Variants in PARVB observed in about 807,000 individuals in gnomAD.
PARVB encodes parvin beta.
A neutral mutation model predicts 47.0 loss-of-function variants in PARVB; 46 were observed. That is an observed-to-expected ratio of 0.98 (90% confidence interval 0.77 to 1.25). The LOEUF is 1.25. PARVB is among the 50% of genes most tolerant of loss of function. PARVB has a pLI of 0.00. For synonymous variants in PARVB, 196 were observed against 196.3 expected (o/e 1.00, Z 0.01); for missense variants, 473 against 471.6 (o/e 1.00, Z -0.03).
intron 6 of PARVB, 114 bp from the exon 7 acceptor site, chr22:44,136,343 TCTC>T (rs2053440360): frequency 2.2e-6 from 2 of 891,186 alleles, no homozygotes; most frequent in African/African-American, 3.3e-5. Context: ...CACCCCTCCT[TCTC>T]CTGTTGCTCT....
intron 1 of PARVB, among the ~76,000 whole-genome samples, chr22:44,077,543 C>G (rs1048243445): frequency 2.6e-5 from 4 of 152,174 alleles, no homozygotes; most frequent in African/African-American, 9.7e-5. Flanking sequence ...GATCCCCAGA[C>G]CTATCTTCTT....
intron 5 of PARVB, among the ~76,000 whole-genome samples, 178 bp downstream of exon 5, chr22:44,131,805 G>T (rs749018016): frequency 6.6e-6 from 1 of 152,198 alleles, no homozygotes; most frequent in Non-Finnish European, 1.5e-5. Flanking sequence ...AACAGGAGAA[G>T]GGTTAGGGAG....
intron 2 of PARVB, 66 bp from the exon 3 acceptor site, chr22:44,099,987 C>G: frequency 7.5e-7 from 1 of 1,328,642 alleles, no homozygotes; most frequent in African/African-American, 1.4e-5. Flanking sequence ...GTTGGCCTCC[C>G]CCTGGTTCCC....
At chr22:44,024,880 G>T (rs1406944781) in intron 1 of PARVB, among the ~76,000 whole-genome samples, 1 of 152,348 alleles carries the variant, frequency 6.6e-6, no homozygotes, top group Non-Finnish European at 1.5e-5. Context: ...GGTGTTGCGC[G>T]GGCGCCCTGC....
intron 12 of PARVB, among the ~76,000 whole-genome samples, chr22:44,166,388 G>A (rs549660817): frequency 6.6e-6 from 1 of 152,366 alleles, no homozygotes; most frequent in South Asian, 2.1e-4. Flanking sequence ...GGGGTTACAG[G>A]TGTGAGCCAC....
At position 44,008,863 on chromosome 22, in the gene PARVB, C is replaced by T. The variant is rs568403696; in HGVS notation, c.211+9190C>T. Among the ~76,000 whole-genome samples the T allele has an allele frequency of 4.6e-5, 7 of 152,058 alleles. 1 individual carries two copies. The highest frequency in any genetic ancestry group is 8.8e-5 in the Non-Finnish European group (6 of 68,012). On this transcript the variant is annotated intron_variant, in intron 2 of 13. Coordinates refer to the PARVB transcript ENST00000406477. Reference sequence around the variant, plus strand: ...AATTAGCTGGGTGTGGGGGTGGGTGCCTGTAGTCCCAGCTACTCGGGAGGC... The same window carrying T: ...AATTAGCTGGGTGTGGGGGTGGGTGTCTGTAGTCCCAGCTACTCGGGAGGC...
upstream of PARVB, among the ~76,000 whole-genome samples, chr22:44,021,183 A>G (rs539000727): frequency 6.6e-5 from 10 of 152,282 alleles, no homozygotes; most frequent in East Asian, 1.7e-3. Flanking sequence ...ACTCAACACC[A>G]TCAGTCAGAG....
At chr22:44,064,791 C>A (rs1569086725) in intron 1 of PARVB, among the ~76,000 whole-genome samples, 4 of 152,180 alleles carry the variant, frequency 2.6e-5, no homozygotes, top group Admixed American at 2.6e-4. Flanking sequence ...GAGGTGGAGG[C>A]CACAGCAAGC....
At chr22:44,017,260 A>C (rs998988813) in intron 2 of PARVB, among the ~76,000 whole-genome samples, 1 of 152,210 alleles carries the variant, frequency 6.6e-6, no homozygotes, top group Non-Finnish European at 1.5e-5. Flanking sequence ...AAATCATCTT[A>C]GTCTCTAGAC....
intron 1 of PARVB, among the ~76,000 whole-genome samples, chr22:44,041,595 C>T (rs1260302133): frequency 2.0e-5 from 3 of 151,984 alleles, no homozygotes; most frequent in Admixed American, 1.3e-4. Flanking sequence ...ATAATAAAAG[C>T]CCTACAGGCC....
In PARVB at chr22:44,032,652, G is replaced by A. The variant is rs568360633; in HGVS notation, c.112+8201G>A. Among the ~76,000 whole-genome samples, 7 of 152,218 alleles carry A rather than the reference G, an allele frequency of 4.6e-5. No homozygotes were observed. The East Asian group carries it at 7.7e-4, about 17-fold the overall frequency. On this transcript the variant is annotated intron_variant, in intron 1 of 12. Coordinates refer to ENST00000338758, the MANE Select transcript of PARVB (RefSeq NM_013327.5). ...AAGCCTCATCAGCAATTGAGTGAGC[G>A]CTCAATCAGAATTCGTTATGGATGA...
At chr22:44,119,849 A>G (rs765397534) in intron 4 of PARVB, 1 of 531,970 alleles carries the variant, frequency 1.9e-6, no homozygotes, top group Middle Eastern at 4.4e-4. Context: ...TGAGTAGAGG[A>G]CGCCGGCCTG....
chr22:44,129,926 C>A (rs557506346), intron 4 of PARVB, among the ~76,000 whole-genome samples: 154 of 152,348 alleles, frequency 1.0e-3, no homozygotes, highest in African/African-American at 3.6e-3. Context: ...AGCCAACAAA[C>A]GCATGATCGA....
At chr22:44,045,275 A>G (rs1269383001) in intron 1 of PARVB, among the ~76,000 whole-genome samples, 1 of 152,172 alleles carries the variant, frequency 6.6e-6, no homozygotes, top group Non-Finnish European at 1.5e-5. Flanking sequence ...ATAAATACAT[A>G]CATACATAAA....
At chr22:44,043,808 G>A (rs909946382) in intron 1 of PARVB, among the ~76,000 whole-genome samples, 2 of 152,176 alleles carry the variant, frequency 1.3e-5, no homozygotes, top group Non-Finnish European at 2.9e-5. Context: ...GTTGGTATTC[G>A]TTGCATGTTT....
intron 11 of PARVB, among the ~76,000 whole-genome samples, chr22:44,163,589 G>C (rs980846334): frequency 6.6e-6 from 1 of 152,204 alleles, no homozygotes; most frequent in South Asian, 2.1e-4. Context: ...GTGAGCCCTC[G>C]AGAGCAGGCC....
intron 8 of PARVB, chr22:44,146,445 C>CACACGT (rs1464515100): frequency 1.3e-5 from 2 of 152,422 alleles, no homozygotes; most frequent in African/African-American, 2.4e-5. Context: ...CACGCGCACA[C>CACACGT]ACACGTACAC....
chr22:44,135,689 A>T (rs1030182361), intron 6 of PARVB, among the ~76,000 whole-genome samples: 1 of 152,212 alleles, frequency 6.6e-6, no homozygotes, highest in Non-Finnish European at 1.5e-5. Flanking sequence ...TCTCGCAATT[A>T]TGGAGGCCAG....
intron 1 of PARVB, among the ~76,000 whole-genome samples, chr22:44,075,774 G>A (rs972141203): frequency 2.6e-5 from 4 of 152,224 alleles, no homozygotes; most frequent in South Asian, 2.1e-4. Flanking sequence ...CTGACGGCGC[G>A]TTTCTTCTTG....
Sources: allele counts gnomAD v4.1 joint callset (sites outside exome capture counted in the v4.1 genomes callset), GRCh38; gene constraint gnomAD v4.1.1; transcripts MANE v1.5; gene names NCBI Gene and HGNC (gene_info 2026-07-23, HGNC 2026-07-21).